Variants in AP1AR observed in about 807,000 individuals in gnomAD.
The protein encoded by AP1AR is adaptor related protein complex 1 associated regulatory protein.
In AP1AR, 29 loss-of-function variants were observed where a neutral mutation model predicts 46.3. The ratio of observed to expected loss-of-function variants is 0.63; its 90% CI spans 0.47 to 0.85. AP1AR has a LOEUF of 0.85. Among genes scored for constraint, AP1AR ranks in the 40% least tolerant of loss-of-function variants. AP1AR has a pLI of 0.00. For missense variants in AP1AR, 357 were observed against 356.3 expected (o/e 1.00, Z -0.02); for synonymous variants, 122 against 122.9 (o/e 0.99, Z 0.05).
chr4:112,251,447 A>G (rs1725958904), intron 1 of AP1AR, among the ~76,000 whole-genome samples: 1 of 152,238 alleles, frequency 6.6e-6, no homozygotes, highest in African/African-American at 2.4e-5. Context: ...GGTTTCGACA[A>G]TGTTCTACTT....
intron 6 of AP1AR, among the ~76,000 whole-genome samples, chr4:112,263,629 T>C (rs1310456243): frequency 2.6e-5 from 4 of 152,112 alleles, no homozygotes; most frequent in African/African-American, 4.8e-5. Context: ...TGGAATATTA[T>C]CAGAGAAGGC....
Position 112,271,154 on chromosome 4 carries a change from A to C in AP1AR, c.*2745A>C, listed in dbSNP as rs1390088425. ...CACTGCACATAGTCCACGTAGGCAA[A>C]ACTCAACCACAGTCTGACACAGGTC... On this transcript the variant is annotated 3_prime_UTR_variant, in exon 10 of 10. Transcript: ENST00000274000. Among the ~76,000 whole-genome samples, 1 of 152,190 alleles carries C rather than the reference A, an allele frequency of 6.6e-6. No homozygotes were observed. The highest frequency in any genetic ancestry group is 1.5e-5 in the Non-Finnish European group (1 of 68,036).
intron 1 of AP1AR, among the ~76,000 whole-genome samples, chr4:112,236,242 C>A (rs192634515): frequency 4.3e-4 from 65 of 151,984 alleles, no homozygotes; most frequent in Non-Finnish European, 8.1e-4. Context: ...GCTTAGTCAG[C>A]AGCTTCCAGA....
rs928364110 is a variant in AP1AR at position 112,272,101 on chromosome 4, T to C, written c.*3692T>C. Among the ~76,000 whole-genome samples, 14 of 151,622 alleles carry C rather than the reference T, an allele frequency of 9.2e-5. 1 individual carries two copies. In the South Asian group the frequency reaches 2.9e-3, roughly 32 times the overall value. On this transcript the variant is annotated 3_prime_UTR_variant, in exon 10 of 10. Transcript: ENST00000274000. ...AAATGAAGGGATGGAAACTGGGGAG[T>C]TGGGGATGAAGAATAAAGAACAGCT...
At chr4:112,247,732 CAT>C (rs1320345065) in intron 1 of AP1AR, among the ~76,000 whole-genome samples, 1 of 152,188 alleles carries the variant, frequency 6.6e-6, no homozygotes, top group Admixed American at 6.5e-5. Context: ...CCTCTTAAAA[CAT>C]ATGTCAGCGT....
In AP1AR at chr4:112,259,029, G is replaced by A. The variant is rs189190604; in HGVS notation, c.185+1232G>A. ...CTGAGGATTGACTAGGCGGACACTA[G>A]AAGAGGATTCTGAAGATGACCAAGA... On this transcript the variant is annotated intron_variant, in intron 4 of 9. Transcript: ENST00000274000. Among the ~76,000 whole-genome samples the A allele has an allele frequency of 2.4e-4, 37 of 152,264 alleles. No homozygotes were observed. The East Asian group carries it at 6.0e-3, about 25-fold the overall frequency.
chr4:112,233,643 A>T (rs1015918407), intron 1 of AP1AR, among the ~76,000 whole-genome samples: 2 of 152,190 alleles, frequency 1.3e-5, no homozygotes, highest in South Asian at 4.1e-4. Flanking sequence ...ATAAGCAAAA[A>T]ACTTTATATT....
rs891350206 is a variant in AP1AR at position 112,265,672 on chromosome 4, A to G, written c.441-62A>G. On this transcript the variant is annotated intron_variant, in intron 7 of 9. Transcript: ENST00000274000. ...CAAGCCACAATGCCATCATTAGCTT[A>G]TATATTTGTCATATTGCAGCTACCA... 2.8e-5 allele frequency: 34 copies of G among 1,226,162 alleles called. No homozygotes were observed. The Admixed American group carries it at 3.1e-4, about 11-fold the overall frequency. 76.0% of individuals were successfully genotyped at this position (1,226,162 alleles called of 1,614,324 possible).
chr4:112,264,959 A>G lies in AP1AR; in HGVS notation c.382-50A>G, dbSNP rs377373110. The G allele has an allele frequency of 4.2e-4, 607 of 1,433,222 alleles. 3 individuals are homozygous for G. Among genetic ancestry groups the G allele is most frequent in the Non-Finnish European group, 1.9e-4 (201 of 1,051,258 alleles). The allele number at this position is 1,433,222 out of a possible 1,614,324, so 88.8% of individuals were successfully genotyped here. On this transcript the variant is annotated intron_variant, in intron 6 of 9. Coordinates refer to ENST00000274000, the MANE Select transcript of AP1AR (RefSeq NM_018569.6). The stretch of plus-strand genomic sequence containing the variant: ...GGTGTTGCATGAGTGGTTTTAAAAT[A>G]TATAATTTTACAACAGAGTGATTTT...
chr4:112,257,920 T>A (rs1214986185), intron 4 of AP1AR, 123 bp downstream of exon 4: 5 of 791,270 alleles, frequency 6.3e-6, no homozygotes, highest in Non-Finnish European at 9.3e-6. Flanking sequence ...TTCAGAACTT[T>A]CAGATTTTTC....
At chr4:112,268,084 T>G (rs1270284219) in intron 9 of AP1AR, 60 bp from the exon 10 acceptor site, 4 of 1,436,666 alleles carry the variant, frequency 2.8e-6, no homozygotes, top group Non-Finnish European at 2.8e-6. Flanking sequence ...AATTTGGGAG[T>G]TTTTAAATAT....
At chr4:112,261,349 T>A (rs1726434230) in intron 5 of AP1AR, among the ~76,000 whole-genome samples, 1 of 152,052 alleles carries the variant, frequency 6.6e-6, no homozygotes, top group Admixed American at 6.6e-5. Flanking sequence ...GGAGTATTGC[T>A]TGAGCCAGAG....
intron 1 of AP1AR, among the ~76,000 whole-genome samples, chr4:112,240,322 A>T (rs1022317480): frequency 2.6e-5 from 4 of 152,144 alleles, no homozygotes; most frequent in Non-Finnish European, 5.9e-5. Flanking sequence ...TTTCCTACAG[A>T]AGTCTTCCAA....
At chr4:112,232,209 G>A (rs1259985502) in intron 1 of AP1AR, 35 bp downstream of exon 1, 2 of 1,262,316 alleles carry the variant, frequency 1.6e-6, no homozygotes, top group Admixed American at 4.2e-5. Flanking sequence ...GGCCCCCGTG[G>A]CTCCTCCTCT....
intron 9 of AP1AR, among the ~76,000 whole-genome samples, chr4:112,267,743 T>C (rs1307993200): frequency 2.0e-5 from 3 of 151,944 alleles, no homozygotes; most frequent in Non-Finnish European, 2.9e-5. Context: ...GAAAAGTACA[T>C]GTTATCATTA....
At chr4:112,256,291 A>T (rs902691901) in intron 3 of AP1AR, among the ~76,000 whole-genome samples, 1 of 152,196 alleles carries the variant, frequency 6.6e-6, no homozygotes. Context: ...ATTCCATTTC[A>T]TAGAACTTAC....
At position 112,268,366 on chromosome 4, in the gene AP1AR, A is replaced by C. The variant is rs756575532; in HGVS notation, c.866A>C (p.Asp289Ala). 1 of 1,610,610 alleles carries C rather than the reference A, an allele frequency of 6.2e-7. No individual in the cohort carries two copies. The highest frequency in any genetic ancestry group is 2.2e-5 in the East Asian group (1 of 44,836). Residue 289 changes from aspartate (D) to alanine (A), a missense_variant, in exon 10 of 10, where the codon GAT (aspartate) becomes GCT (alanine). Physicochemically the swap from Asp to Ala is moderately radical, Grantham distance 126. Transcript: ENST00000274000. ...GTAAATCCTGTATTAGAACTGTCTG[A>C]TTCTGGCATAAGGCATTCTGACACA... is the stretch of plus-strand genomic sequence containing the variant. ...GFVNPVLELSDSGIRHSDTDQ... is the reference protein window; with the variant it reads ...GFVNPVLELSASGIRHSDTDQ...
At chr4:112,258,087 A>G (rs1008212602) in intron 4 of AP1AR, among the ~76,000 whole-genome samples, 1 of 152,080 alleles carries the variant, frequency 6.6e-6, no homozygotes, top group African/African-American at 2.4e-5. Flanking sequence ...TTTCTTTTAA[A>G]TTTTTTAACT....
Position 112,260,837 on chromosome 4 carries a change from A to G in AP1AR, c.257A>G (p.Asp86Gly), listed in dbSNP as rs777017712. The G allele has an allele frequency of 8.7e-6, 14 of 1,600,956 alleles. No individual in the cohort carries two copies. In the African/African-American group the frequency reaches 9.4e-5, roughly 11 times the overall value. Residue 86 changes from aspartate to glycine, a missense_variant, in exon 5 of 10, where the codon GAT becomes GGT. Transcript: ENST00000274000. The stretch of plus-strand genomic sequence containing the variant: ...GATTCCATTGCCGAAAAACAAAAAG[A>G]TCTTGATAAGAAAATTCAAAAAGAG... Reference protein sequence around the residue: ...HYDSIAEKQKDLDKKIQKELA... With the variant: ...HYDSIAEKQKGLDKKIQKELA...
Sources: gnomAD v4.1 joint callset for allele counts (sites outside exome capture counted in the v4.1 genomes callset) on GRCh38, gnomAD v4.1.1 for gene constraint, MANE v1.5 for transcripts, NCBI Gene and HGNC (gene_info 2026-07-23, HGNC 2026-07-21) for gene names.